The following ATP9A variants were observed in gnomAD, a reference collection of about 807,000 sequenced individuals.
The protein encoded by ATP9A is ATPase phospholipid transporting 9A, also known as probable phospholipid-transporting ATPase IIA.
In ATP9A, 52 loss-of-function variants were observed where a neutral mutation model predicts 144.1. The ratio of observed to expected loss-of-function variants is 0.36; its 90% CI spans 0.29 to 0.45. The LOEUF (loss-of-function observed/expected upper bound fraction) is 0.45, where lower values mean the gene tolerates loss of function less well. ATP9A is among the 20% of genes least tolerant of loss of function. ATP9A has a pLI of 1.00. For synonymous variants in ATP9A, 582 were observed against 557.4 expected, an observed-to-expected ratio of 1.04 and a Z score of -0.62; for missense variants, 947 against 1,392.7, an observed-to-expected ratio of 0.68 and a Z score of 5.09.
At position 51,753,711 on chromosome 20, in the gene ATP9A, G is replaced by T. The variant is rs562294750; in HGVS notation, c.68+14591C>A. Among the ~76,000 whole-genome samples the T allele has an allele frequency of 4.1e-5, 6 of 148,024 alleles. 1 individual carries two copies. The highest frequency in any genetic ancestry group is 1.3e-4 in the African/African-American group (5 of 39,874). On this transcript the variant is annotated intron_variant, in intron 1 of 27. Transcript: ENST00000338821. ...AGACTGAGCCTCGCTCTGTCACCCA[G>T]GCTAGAGAGCAGTGGCACGATCTCG...
intron 13 of ATP9A, among the ~76,000 whole-genome samples, chr20:51,663,458 A>G (rs1208196900): frequency 5.3e-5 from 8 of 152,156 alleles, no homozygotes; most frequent in African/African-American, 1.9e-4. Flanking sequence ...AAAATGAAGT[A>G]GGCTCCATGT....
At chr20:51,687,099 C>T (rs1360713881) in intron 9 of ATP9A, among the ~76,000 whole-genome samples, 3 of 151,940 alleles carry the variant, frequency 2.0e-5, no homozygotes, top group Admixed American at 6.6e-5. Context: ...TAATAAATGA[C>T]TTGAAAGCAA....
chr20:51,764,207 C>T (rs1568852179), intron 1 of ATP9A, among the ~76,000 whole-genome samples: 1 of 152,206 alleles, frequency 6.6e-6, no homozygotes, highest in Non-Finnish European at 1.5e-5. Flanking sequence ...CCCAAGATCA[C>T]ACAGCTAGTA....
At chr20:51,631,350 A>G (rs113767750) in intron 15 of ATP9A, among the ~76,000 whole-genome samples, 10 of 152,320 alleles carry the variant, frequency 6.6e-5, no homozygotes, top group African/African-American at 2.4e-4. Flanking sequence ...CTCTTGACGC[A>G]GGCCAAAGAG....
At chr20:51,615,272 T>C (rs1419009513) in intron 22 of ATP9A, among the ~76,000 whole-genome samples, 1 of 152,074 alleles carries the variant, frequency 6.6e-6, no homozygotes, top group Non-Finnish European at 1.5e-5. Flanking sequence ...AAGTGAAGGG[T>C]AGATGAATGC....
chr20:51,749,632 C>A (rs777200645), intron 1 of ATP9A, among the ~76,000 whole-genome samples: 7 of 152,126 alleles, frequency 4.6e-5, no homozygotes, highest in Non-Finnish European at 7.3e-5. Flanking sequence ...AACAAAAAAT[C>A]TATGTCTATT....
intron 23 of ATP9A, among the ~76,000 whole-genome samples, chr20:51,610,970 C>G (rs1358888856): frequency 6.6e-6 from 1 of 152,156 alleles, no homozygotes; most frequent in Non-Finnish European, 1.5e-5. Flanking sequence ...GATGAATAGG[C>G]TGGGGAGATC....
intron 14 of ATP9A, among the ~76,000 whole-genome samples, chr20:51,653,497 T>C (rs1365555959): frequency 6.6e-6 from 1 of 152,042 alleles, no homozygotes; most frequent in East Asian, 1.9e-4. Flanking sequence ...TTGCTCAAAT[T>C]TGAATTCCGC....
intron 15 of ATP9A, among the ~76,000 whole-genome samples, chr20:51,638,287 G>C (rs1323475983): frequency 2.0e-5 from 2 of 99,712 alleles, no homozygotes; most frequent in East Asian, 9.8e-4. Context: ...ATTCTCATTT[G>C]TCAAGGAAAA....
intron 6 of ATP9A, among the ~76,000 whole-genome samples, 197 bp from the exon 7 acceptor site, chr20:51,694,299 C>T (rs147121153): frequency 0.015 from 2,341 of 152,246 alleles, 30 homozygotes; most frequent in Non-Finnish European, 0.022. Context: ...ATCCTCACTC[C>T]GCCACTCCCT....
intron 1 of ATP9A, among the ~76,000 whole-genome samples, chr20:51,742,793 G>A (rs960598469): frequency 2.0e-5 from 3 of 152,216 alleles, no homozygotes; most frequent in Non-Finnish European, 4.4e-5. Flanking sequence ...GGGATTAGAG[G>A]CATGAGCCGC....
chr20:51,694,267 G>A (rs1213967111), intron 6 of ATP9A, among the ~76,000 whole-genome samples, 165 bp from the exon 7 acceptor site: 1 of 152,054 alleles, frequency 6.6e-6, no homozygotes, highest in Admixed American at 6.5e-5. Context: ...TAAGCTCTGG[G>A]GTCAAAAAGC....
At chr20:51,673,866 A>G (rs1352187133) in intron 11 of ATP9A, among the ~76,000 whole-genome samples, 1 of 152,070 alleles carries the variant, frequency 6.6e-6, no homozygotes, top group Non-Finnish European at 1.5e-5. Context: ...CCTGGCAAAC[A>G]TGGTGAAACC....
intron 14 of ATP9A, among the ~76,000 whole-genome samples, chr20:51,655,938 T>C (rs2077385160): frequency 6.6e-6 from 1 of 152,156 alleles, no homozygotes; most frequent in Admixed American, 6.5e-5. Flanking sequence ...CAGATTATTA[T>C]TCAGTGATAA....
At chr20:51,749,979 T>TA (rs966909220) in intron 1 of ATP9A, among the ~76,000 whole-genome samples, 1 of 151,274 alleles carries the variant, frequency 6.6e-6, no homozygotes, top group Non-Finnish European at 1.5e-5. Context: ...TGTCTCTACT[T>TA]AAAAAAAGAA....
chr20:51,719,226 G>A (rs543672934), intron 3 of ATP9A, among the ~76,000 whole-genome samples: 4 of 152,152 alleles, frequency 2.6e-5, no homozygotes, highest in African/African-American at 7.2e-5. Flanking sequence ...GAAGCACAGG[G>A]GTGAGGTAAT....
intron 4 of ATP9A, among the ~76,000 whole-genome samples, chr20:51,702,287 G>A (rs1352811291): frequency 1.8e-5 from 2 of 110,896 alleles, no homozygotes; most frequent in Non-Finnish European, 3.6e-5. Flanking sequence ...GCAAGACTCT[G>A]TCTCAAAAAA....
chr20:51,602,587 A>G (rs1212474904), intron 27 of ATP9A, among the ~76,000 whole-genome samples: 2 of 152,228 alleles, frequency 1.3e-5, no homozygotes, highest in Non-Finnish European at 2.9e-5. Flanking sequence ...TAGTTCCTGG[A>G]GCGCACAGTA....
intron 10 of ATP9A, among the ~76,000 whole-genome samples, chr20:51,674,931 G>C (rs1407829111): frequency 6.6e-6 from 1 of 152,142 alleles, no homozygotes; most frequent in African/African-American, 2.4e-5. Context: ...TCCTACCTCA[G>C]CCTCCCGATA....
Sources: allele counts gnomAD v4.1 joint callset (sites outside exome capture counted in the v4.1 genomes callset), GRCh38; gene constraint gnomAD v4.1.1; transcripts MANE v1.5; gene names NCBI Gene and HGNC (gene_info 2026-07-23, HGNC 2026-07-21).